Variants in TIAM2 observed in about 807,000 individuals in gnomAD.
TIAM2 encodes the protein rho guanine nucleotide exchange factor TIAM2.
Under a neutral mutation model 152.9 loss-of-function variants are expected in TIAM2, and 80 were observed. That is an observed-to-expected ratio of 0.52 (90% confidence interval 0.44 to 0.63). The LOEUF (loss-of-function observed/expected upper bound fraction) is 0.63, where lower values mean the gene tolerates loss of function less well. Ranked by LOEUF, TIAM2 falls within the 30% of genes least tolerant of loss-of-function variation. The pLI is 0.00. For missense variants in TIAM2, 1,965 were observed against 2,120.1 expected, an observed-to-expected ratio of 0.93 and a Z score of 1.44; for synonymous variants, 804 against 838.0, an observed-to-expected ratio of 0.96 and a Z score of 0.70.
chr6:155,030,190 G>T (rs538499490), intron 1 of TIAM2, among the ~76,000 whole-genome samples: 1 of 152,120 alleles, frequency 6.6e-6, no homozygotes, highest in Admixed American at 6.6e-5. Context: ...TACGGAGTTT[G>T]GGGAGGGAGG....
Position 155,257,095 on chromosome 6 carries a change from G to A in TIAM2, c.5080G>A (p.Glu1694Lys). The stretch of plus-strand genomic sequence containing the variant: ...TGTTGTCAGTGAGGAGTGTTTTTAT[G>A]AAACAGAGAGCCACGGAAAATCATA... ...TSVVSEECFY[E>K]TESHGKS The change falls in exon 27 of 27, where the codon GAA becomes AAA. Residue 1694 changes from glutamate (E) to lysine (K), a missense_variant. Physicochemically the swap from Glu to Lys is moderately conservative, Grantham distance 56. Transcript: ENST00000682666. The A allele has an allele frequency of 6.3e-7, 1 of 1,595,216 alleles. No homozygotes were observed. Among genetic ancestry groups the A allele is most frequent in the Non-Finnish European group, 8.6e-7 (1 of 1,169,278 alleles).
rs140755943 is a variant in TIAM2, at chr6:155,166,438, C to T, written c.2361+1029C>T. The stretch of plus-strand genomic sequence containing the variant: ...TCCTGGGTTCAAGTGATTATCCTGC[C>T]TCAGCCTCCTGAGTAGCTGGGACTA... On this transcript the variant is annotated intron_variant, in intron 9 of 26. Coordinates refer to ENST00000682666, the MANE Select transcript of TIAM2 (RefSeq NM_012454.4). 2.0e-3 allele frequency among the ~76,000 whole-genome samples: 306 copies of T among 152,012 alleles called. 3 individuals are homozygous for T. Among genetic ancestry groups the T allele is most frequent in the East Asian group, 0.02 (101 of 5,168 alleles).
chr6:155,072,312 G>A (rs1186263088), intron 1 of TIAM2, among the ~76,000 whole-genome samples: 2 of 152,194 alleles, frequency 1.3e-5, no homozygotes, highest in Non-Finnish European at 2.9e-5. Flanking sequence ...CCTCCAGTAG[G>A]AAACAACCGA....
chr6:155,000,556 A>G (rs117337130), intron 1 of TIAM2, among the ~76,000 whole-genome samples: 2,125 of 151,028 alleles, frequency 0.014, 31 homozygotes, highest in Middle Eastern at 0.059. Context: ...AAAGCATCCA[A>G]AAAACTGTTA....
At chr6:155,004,493 C>T (rs577419421) in intron 1 of TIAM2, among the ~76,000 whole-genome samples, 3 of 152,192 alleles carry the variant, frequency 2.0e-5, no homozygotes, top group African/African-American at 7.2e-5. Context: ...TGGGTTCACG[C>T]GATTCTCCTG....
At chr6:155,252,413 G>T (rs1213349476) in intron 23 of TIAM2, among the ~76,000 whole-genome samples, 2 of 152,226 alleles carry the variant, frequency 1.3e-5, no homozygotes, top group African/African-American at 4.8e-5. Flanking sequence ...AAGCTGCAGT[G>T]AGCCTTGATC....
intron 1 of TIAM2, among the ~76,000 whole-genome samples, chr6:154,998,748 G>T (rs1583143039): frequency 6.6e-6 from 1 of 152,170 alleles, no homozygotes; most frequent in East Asian, 1.9e-4. Context: ...TATGGGTAAG[G>T]AAACTGAGTC....
At chr6:155,185,521 TA>T (rs1781023397) in intron 14 of TIAM2, among the ~76,000 whole-genome samples, 1 of 150,568 alleles carries the variant, frequency 6.6e-6, no homozygotes, top group African/African-American at 2.5e-5. Context: ...TTTATTTATT[TA>T]TTTATTTATT....
rs941879805 is a variant in TIAM2 at position 155,129,849 on chromosome 6, C to T, written c.626C>T (p.Ser209Phe). Reference sequence around the variant, plus strand: ...TCACCTACCTTAGCATCGGAAACCTCCCCTGTGCCTGAAGCCAGGAGGGGG... The same window carrying T: ...TCACCTACCTTAGCATCGGAAACCTTCCCTGTGCCTGAAGCCAGGAGGGGG... ...RYSPTLASET[S>F]PVPEARRGSS... The change falls in exon 4 of 27, where the codon TCC (serine) becomes TTC (phenylalanine). Residue 209 changes from serine to phenylalanine, a missense_variant. Transcript: ENST00000682666. This position sits in a 1 kb window ranked among gnomAD's most constrained non-coding sequence, Gnocchi z 4.8. 6.2e-7 allele frequency: 1 copy of T among 1,613,716 alleles called. No individual in the cohort carries two copies. The highest frequency in any genetic ancestry group is 8.5e-7 in the Non-Finnish European group (1 of 1,180,030).
chr6:155,256,312 T>C (rs1422982300), intron 26 of TIAM2, 172 bp from the exon 27 acceptor site: 15 of 935,198 alleles, frequency 1.6e-5, no homozygotes, highest in Admixed American at 2.8e-5. Flanking sequence ...AAGTCAAAAA[T>C]GTCCATGTTT....
intron 16 of TIAM2, among the ~76,000 whole-genome samples, 152 bp from the exon 17 acceptor site, chr6:155,243,846 CAAAAAAAAAAAAA>C (rs59365890): frequency 1.1e-3 from 60 of 55,058 alleles, no homozygotes; most frequent in African/African-American, 2.5e-3. Flanking sequence ...GACTCCGTCT[CAAAAAAAAAAAAA>C]AAAAAAAAAA....
In TIAM2 at chr6:155,256,974, G is replaced by T; in HGVS notation, c.4959G>T (p.Gln1653His). 6.2e-7 allele frequency: 1 copy of T among 1,614,156 alleles called. No homozygotes were observed. The highest frequency in any genetic ancestry group is 8.5e-7 in the Non-Finnish European group (1 of 1,180,024). Residue 1653 changes from glutamine to histidine, a missense_variant, in exon 27 of 27, where the codon CAG becomes CAT. This residue lies in a region of TIAM2 where 935 missense variants were observed against 980.0 expected (regional missense o/e 0.95). Coordinates refer to ENST00000682666, the MANE Select transcript of TIAM2 (RefSeq NM_012454.4). ...KRDRGTLLKAQIRHQSLDSQS... is the reference protein window; with the variant it reads ...KRDRGTLLKAHIRHQSLDSQS... The stretch of plus-strand genomic sequence containing the variant: ...ACAGAGGAACTTTGCTCAAGGCGCA[G>T]ATCCGTCACCAGTCCCTTGACAGTC...
At chr6:155,087,760 TAAATA>T (rs777649806) in intron 1 of TIAM2, among the ~76,000 whole-genome samples, 16 of 151,848 alleles carry the variant, frequency 1.1e-4, no homozygotes, top group East Asian at 3.9e-4. Context: ...AAAAATGAAA[TAAATA>T]AAATAAAATA....
In TIAM2 at chr6:155,054,587, G is replaced by GT. The variant is rs1055685024; in HGVS notation, c.-208-35690dup. On this transcript the variant is annotated intron_variant, in intron 1 of 26. Coordinates refer to ENST00000682666, the MANE Select transcript of TIAM2 (RefSeq NM_012454.4). The stretch of plus-strand genomic sequence containing the variant: ...ACAGAGTTTTGTTTTGTTTTGTTTT[G>GT]TTTTTTTTTTTTGAGACGGAGTCTC... Among the ~76,000 whole-genome samples the GT allele has an allele frequency of 5.5e-3, 636 of 115,958 alleles. 4 individuals carry two copies. The highest frequency in any genetic ancestry group is 0.028 in the East Asian group (130 of 4,580). The allele number at this position is 115,958 out of a possible 152,430, so 76.1% of individuals were successfully genotyped here.
At chr6:155,029,597 A>ATAACTAGTATATG (rs1776776707) in intron 1 of TIAM2, among the ~76,000 whole-genome samples, 1 of 100,878 alleles carries the variant, frequency 9.9e-6, no homozygotes, top group Non-Finnish European at 1.9e-5. Context: ...TATAGTATAT[A>ATAACTAGTATATG]TAGTTATATA....
chr6:155,170,234 TGTA>T (rs1424488506), intron 9 of TIAM2, among the ~76,000 whole-genome samples: 15 of 113,534 alleles, frequency 1.3e-4, no homozygotes, highest in Admixed American at 5.7e-4. Context: ...TTCTATTAGA[TGTA>T]GTCATTTAAT....
chr6:155,037,527 T>G (rs1053476845), intron 1 of TIAM2, among the ~76,000 whole-genome samples: 5 of 152,104 alleles, frequency 3.3e-5, no homozygotes, highest in Non-Finnish European at 2.9e-5. Flanking sequence ...GGCTGGTTTC[T>G]TTTCTTTTTT....
chr6:155,018,959 G>C lies in TIAM2; in HGVS notation c.-209+23467G>C, dbSNP rs1776403985. ...GGAGGCTGAGGCAGGAAAATCGCTT[G>C]AACCTGGGAGGCAGAGGTTACAGTG... On this transcript the variant is annotated intron_variant, in intron 1 of 26. Transcript: ENST00000682666. 2.0e-5 allele frequency among the ~76,000 whole-genome samples: 3 copies of C among 149,784 alleles called. No homozygotes were observed. In the Admixed American group the frequency reaches 2.0e-4, roughly 10 times the overall value.
chr6:155,251,114 TCCA>T, intron 22 of TIAM2, 93 bp downstream of exon 22: 5 of 1,089,822 alleles, frequency 4.6e-6, no homozygotes, highest in South Asian at 1.3e-5. Context: ...ACTCCTGAGC[TCCA>T]GGAGTCAGAA....
Sources: allele counts gnomAD v4.1 joint callset (sites outside exome capture counted in the v4.1 genomes callset), GRCh38; gene constraint gnomAD v4.1.1; regional missense constraint gnomAD v4.1.1; non-coding constraint Gnocchi (gnomAD v3.1); transcripts MANE v1.5; gene names NCBI Gene and HGNC (gene_info 2026-07-23, HGNC 2026-07-21).